Variants in KIAA1217 observed in about 807,000 individuals in gnomAD.
KIAA1217 encodes KIAA1217.
A neutral mutation model predicts 163.9 loss-of-function variants in KIAA1217; 88 were observed. That is an observed-to-expected ratio of 0.54 (90% CI 0.45 to 0.64). The LOEUF is 0.64. Ranked by LOEUF, KIAA1217 falls within the 30% of genes least tolerant of loss-of-function variation. KIAA1217 has a pLI of 0.00. For synonymous variants in KIAA1217, 903 were observed against 923.1 expected (o/e 0.98, Z 0.39); for missense variants, 2,372 against 2,475.0 (o/e 0.96, Z 0.88).
At chr10:23,993,851 A>G (rs1846340838) in intron 1 of KIAA1217, among the ~76,000 whole-genome samples, 1 of 152,078 alleles carries the variant, frequency 6.6e-6, no homozygotes, top group South Asian at 2.1e-4. Flanking sequence ...AAGTGCTGGG[A>G]TTACAGGCAT....
intron 2 of KIAA1217, among the ~76,000 whole-genome samples, chr10:24,203,536 T>A (rs1483363468): frequency 6.6e-6 from 1 of 151,722 alleles, no homozygotes; most frequent in African/African-American, 2.4e-5. Context: ...TTGGTTCCCC[T>A]TCCTTCTTGC....
At chr10:23,767,758 G>T (rs1030269465) in intron 1 of KIAA1217, among the ~76,000 whole-genome samples, 2 of 152,092 alleles carry the variant, frequency 1.3e-5, no homozygotes, top group African/African-American at 4.8e-5. Context: ...TCCCCTCCAT[G>T]ATTTCCTAAT....
intron 1 of KIAA1217, among the ~76,000 whole-genome samples, chr10:23,888,942 T>C (rs1841305363): frequency 6.6e-6 from 1 of 151,916 alleles, no homozygotes; most frequent in African/African-American, 2.4e-5. Context: ...ATTGGAATCA[T>C]TCAAGACATA....
intron 1 of KIAA1217, among the ~76,000 whole-genome samples, chr10:23,776,679 CTTTTT>C (rs34656346): frequency 8.5e-6 from 1 of 117,912 alleles, no homozygotes; most frequent in Non-Finnish European, 1.8e-5. Context: ...ACTGTGGGTA[CTTTTT>C]TTTTTTTTTT....
intron 2 of KIAA1217, among the ~76,000 whole-genome samples, chr10:24,106,420 G>A (rs1174223857): frequency 1.3e-5 from 2 of 151,662 alleles, no homozygotes; most frequent in African/African-American, 4.8e-5. Context: ...GGATGGTGCT[G>A]CAGCAGCCAT....
At chr10:23,715,677 T>C (rs1044660501) in intron 1 of KIAA1217, among the ~76,000 whole-genome samples, 4 of 152,174 alleles carry the variant, frequency 2.6e-5, no homozygotes, top group Admixed American at 6.6e-5. Flanking sequence ...AATTTCAGTG[T>C]TAAAATGATA....
intron 1 of KIAA1217, among the ~76,000 whole-genome samples, chr10:23,793,156 C>T (rs75183187): frequency 0.033 from 5,045 of 152,058 alleles, 136 homozygotes; most frequent in South Asian, 0.087. Context: ...TAGGAATGTG[C>T]GCGCTTCAGT....
At chr10:24,039,961 T>C (rs140673783) in intron 2 of KIAA1217, among the ~76,000 whole-genome samples, 32 of 152,294 alleles carry the variant, frequency 2.1e-4, no homozygotes, top group African/African-American at 7.0e-4. Context: ...GTAAAATTAG[T>C]CTAATTACAC....
At chr10:24,510,315 C>T (rs928943246) in intron 9 of KIAA1217, among the ~76,000 whole-genome samples, 2 of 152,108 alleles carry the variant, frequency 1.3e-5, no homozygotes, top group Non-Finnish European at 2.9e-5. Context: ...GCATGATATC[C>T]ATTGTTAATA....
intron 3 of KIAA1217, among the ~76,000 whole-genome samples, chr10:24,412,040 C>T (rs1163582083): frequency 6.6e-6 from 1 of 152,024 alleles, no homozygotes; most frequent in African/African-American, 2.4e-5. Context: ...AGGAACAGCC[C>T]TACCTGTGCT....
chr10:24,446,656 T>C (rs2060959039), intron 5 of KIAA1217, among the ~76,000 whole-genome samples: 1 of 152,236 alleles, frequency 6.6e-6, no homozygotes, highest in Non-Finnish European at 1.5e-5. Context: ...CCTTCACTCA[T>C]GCAATGACAA....
At chr10:24,264,886 C>T (rs920604845) in intron 2 of KIAA1217, among the ~76,000 whole-genome samples, 5 of 150,914 alleles carry the variant, frequency 3.3e-5, no homozygotes, top group African/African-American at 1.2e-4. Context: ...TTGTCTCATT[C>T]TGTTGCCCTG....
intron 2 of KIAA1217, among the ~76,000 whole-genome samples, chr10:24,375,049 G>A (rs1055422307): frequency 1.3e-5 from 2 of 152,172 alleles, no homozygotes; most frequent in Admixed American, 1.3e-4. Context: ...GCCTCCCAAA[G>A]TTCTGGGATT....
At chr10:24,187,886 A>T (rs1171175688) in intron 2 of KIAA1217, among the ~76,000 whole-genome samples, 5 of 150,580 alleles carry the variant, frequency 3.3e-5, no homozygotes, top group Admixed American at 3.3e-4. Flanking sequence ...GCAAAACTCC[A>T]TCTCAAAAAA....
chr10:24,094,399 A>T (rs1260326350), intron 2 of KIAA1217, among the ~76,000 whole-genome samples: 6 of 152,180 alleles, frequency 3.9e-5, no homozygotes, highest in African/African-American at 1.4e-4. Context: ...TGATGTACAG[A>T]TGGGTTTTTG....
intron 2 of KIAA1217, among the ~76,000 whole-genome samples, chr10:24,128,583 C>T (rs1360443743): frequency 6.6e-6 from 1 of 152,160 alleles, no homozygotes; most frequent in East Asian, 1.9e-4. Flanking sequence ...GGGACTCATT[C>T]ATCCATGTTA....
chr10:24,193,520 A>T (rs535710703), intron 2 of KIAA1217, among the ~76,000 whole-genome samples: 1 of 152,286 alleles, frequency 6.6e-6, no homozygotes, highest in Non-Finnish European at 1.5e-5. Context: ...ATGTTTCTTC[A>T]TCTTCCCCAT....
At chr10:24,135,014 T>A (rs1399349694) in intron 2 of KIAA1217, among the ~76,000 whole-genome samples, 1 of 152,202 alleles carries the variant, frequency 6.6e-6, no homozygotes, top group Non-Finnish European at 1.5e-5. Flanking sequence ...TTGGAGTAAG[T>A]TTGGGAGTCA....
At chr10:24,075,119 T>TAC (rs71397929) in intron 2 of KIAA1217, among the ~76,000 whole-genome samples, 18,838 of 131,332 alleles carry the variant, frequency 0.14, 1,440 homozygotes, top group East Asian at 0.2. Context: ...TCCCCCTAAA[T>TAC]ACACACACAC....
Sources: gnomAD v4.1 joint callset for allele counts (sites outside exome capture counted in the v4.1 genomes callset) on GRCh38, gnomAD v4.1.1 for gene constraint, MANE v1.5 for transcripts, NCBI Gene and HGNC (gene_info 2026-07-23, HGNC 2026-07-21) for gene names.